EVI5L: variants seen among roughly 807,000 people sequenced by gnomAD.
EVI5L encodes the protein EVI5-like protein.
In EVI5L, 30 loss-of-function variants were observed where a neutral mutation model predicts 106.1. The ratio of observed to expected loss-of-function variants is 0.28; its 90% CI spans 0.21 to 0.38. The LOEUF (loss-of-function observed/expected upper bound fraction) is 0.38. EVI5L is among the 10% of genes least tolerant of loss of function. The probability of loss-of-function intolerance (pLI) is 1.00; values close to 1 mark genes in which losing one functional copy is unlikely to be tolerated. For synonymous variants in EVI5L, 489 were observed against 483.3 expected (o/e 1.01, Z -0.15); for missense variants, 809 against 1,098.0 (o/e 0.74, Z 3.72).
At position 7,857,159 on chromosome 19, in the gene EVI5L, T is replaced by A. The variant is rs879100971; in HGVS notation, c.1233+35T>A. 1.9e-6 allele frequency: 3 copies of A among 1,550,806 alleles called. No homozygotes were observed. In the South Asian group the frequency reaches 3.6e-5, roughly 18 times the overall value. On this transcript the variant is annotated intron_variant, in intron 12 of 19. Transcript: ENST00000538904. The surrounding 1 kb of genome is among the most constrained non-coding windows in gnomAD (Gnocchi z 4.5). ...CTTTTTATCCCCTCTCCGGATTCCT[T>A]CCTGGCCCCTTCCCTGCACCCTGCA...
chr19:7,836,374 G>A (rs550405025), intron 1 of EVI5L, among the ~76,000 whole-genome samples: 58 of 152,326 alleles, frequency 3.8e-4, no homozygotes, highest in African/African-American at 1.2e-3. Context: ...CTCTCTCACC[G>A]TTGAAAAATA....
At chr19:7,852,223 C>A (rs1405600957) in intron 8 of EVI5L, among the ~76,000 whole-genome samples, 1 of 152,214 alleles carries the variant, frequency 6.6e-6, no homozygotes, top group Non-Finnish European at 1.5e-5. Flanking sequence ...CTGCTGCTGG[C>A]CAGCCTGCCT....
intron 1 of EVI5L, among the ~76,000 whole-genome samples, chr19:7,842,533 T>G (rs184804671): frequency 7.1e-6 from 1 of 140,642 alleles, no homozygotes; most frequent in East Asian, 2.2e-4. Flanking sequence ...GTCTGTGAAT[T>G]GGGGTGTATC....
rs1345980600 is a variant in EVI5L, at chr19:7,857,708, A to G, written c.1234-483A>G. The stretch of plus-strand genomic sequence containing the variant: ...GGACAAAGATGAGGTGGGGGAAAAA[A>G]GGGGGTCTTAGCTCCAGGCAGGTGG... On this transcript the variant is annotated intron_variant, in intron 12 of 19. Transcript: ENST00000538904. The surrounding 1 kb of genome is among the most constrained non-coding windows in gnomAD (Gnocchi z 4.5). 2.8e-5 allele frequency: 5 copies of G among 177,222 alleles called. No individual in the cohort carries two copies. The highest frequency in any genetic ancestry group is 6.0e-5 in the Non-Finnish European group (5 of 83,748). The allele number at this position is 177,222 out of a possible 1,614,324, so 11.0% of individuals were successfully genotyped here. A position where few individuals can be genotyped will look rare whatever the true frequency, so the allele number is the denominator to read the frequency against.
At position 7,860,544 on chromosome 19, in the gene EVI5L, C is replaced by T; in HGVS notation, c.1375-17C>T. 6.4e-7 allele frequency: 1 copy of T among 1,568,166 alleles called. No individual in the cohort carries two copies. The highest frequency in any genetic ancestry group is 1.3e-5 in the African/African-American group (1 of 74,222). ...AGCCATGGCCTGGGGCCCCACGCAG[C>T]TCTCTGCCTCCCCCAGGAGAACCCC... On this transcript the variant is annotated splice_polypyrimidine_tract_variant and intron_variant, in intron 13 of 19. Transcript: ENST00000538904.
At chr19:7,853,004 C>T (rs529831805) in intron 8 of EVI5L, 82 bp from the exon 9 acceptor site, 6 of 1,442,150 alleles carry the variant, frequency 4.2e-6, no homozygotes, top group East Asian at 4.5e-5. Context: ...TCCTGCCCCC[C>T]TCCAGGGCAA....
In EVI5L at chr19:7,863,179, C is replaced by A; in HGVS notation, c.2044-6C>A. 2 of 1,553,540 alleles carry A rather than the reference C, an allele frequency of 1.3e-6. No individual in the cohort carries two copies. The highest frequency in any genetic ancestry group is 1.7e-6 in the Non-Finnish European group (2 of 1,148,818). On this transcript the variant is annotated splice_polypyrimidine_tract_variant and splice_region_variant and intron_variant, in intron 18 of 19. Transcript: ENST00000538904. The surrounding 1 kb of genome is among the most constrained non-coding windows in gnomAD (Gnocchi z 7.7). ...CTGGCCCCGCGTGACCTGGCGCACC[C>A]CGCAGAGGGAGGAAGGCCGCATCCA...
chr19:7,851,356 C>A (rs953575042), intron 6 of EVI5L, 78 bp from the exon 7 acceptor site: 3 of 1,523,182 alleles, frequency 2.0e-6, no homozygotes, highest in Non-Finnish European at 1.8e-6. Flanking sequence ...TCCCTGGAGG[C>A]GGGGACACTG....
rs1051977325 is a variant in EVI5L, at chr19:7,858,753, G to A, written c.1374+422G>A. ...ATGGAGAATGGGAGCAGGGCAGTCCGGGACTGTTTGGGGAGCTCTGAGCCA... is the reference window on the plus strand; with the variant it reads ...ATGGAGAATGGGAGCAGGGCAGTCCAGGACTGTTTGGGGAGCTCTGAGCCA... On this transcript the variant is annotated intron_variant, in intron 13 of 19. Coordinates refer to ENST00000538904, the MANE Select transcript of EVI5L (RefSeq NM_001159944.3). The surrounding 1 kb of genome is among the most constrained non-coding windows in gnomAD (Gnocchi z 5.7). 2.3e-5 allele frequency: 4 copies of A among 175,362 alleles called. No individual in the cohort carries two copies. The highest frequency in any genetic ancestry group is 4.8e-5 in the Non-Finnish European group (4 of 82,908). 10.9% of individuals were successfully genotyped at this position (175,362 alleles called of 1,614,324 possible). A position where few individuals can be genotyped will look rare whatever the true frequency, so the allele number is the denominator to read the frequency against.
chr19:7,863,371 G>A lies in EVI5L; in HGVS notation c.2140-53G>A, dbSNP rs1476514644. 2 of 1,537,070 alleles carry A rather than the reference G, an allele frequency of 1.3e-6. No individual in the cohort carries two copies. Among genetic ancestry groups the A allele is most frequent in the Non-Finnish European group, 8.8e-7 (1 of 1,141,200 alleles). On this transcript the variant is annotated intron_variant, in intron 19 of 19. Coordinates refer to ENST00000538904, the MANE Select transcript of EVI5L (RefSeq NM_001159944.3). The surrounding 1 kb of genome is among the most constrained non-coding windows in gnomAD (Gnocchi z 7.7). ...GGTGCCTTGCGGAGGATGCGGCTGGGAGGGCGGGGCAGAAGGCCGGTCCAC... is the reference window on the plus strand; with the variant it reads ...GGTGCCTTGCGGAGGATGCGGCTGGAAGGGCGGGGCAGAAGGCCGGTCCAC...
chr19:7,848,466 G>A lies in EVI5L; in HGVS notation c.328-455G>A, dbSNP rs557266070. 1.5e-4 allele frequency among the ~76,000 whole-genome samples: 23 copies of A among 152,066 alleles called. No individual in the cohort carries two copies. The South Asian group carries it at 4.6e-3, about 30-fold the overall frequency. ...ACAAAAATTAGCTGGGCGTGGTGGCGTGCACCTGTAATCCCAGCTACTTGG... is the reference window on the plus strand; with the variant it reads ...ACAAAAATTAGCTGGGCGTGGTGGCATGCACCTGTAATCCCAGCTACTTGG... On this transcript the variant is annotated intron_variant, in intron 3 of 19. Coordinates refer to ENST00000538904, the MANE Select transcript of EVI5L (RefSeq NM_001159944.3). This position sits in a 1 kb window ranked among gnomAD's most constrained non-coding sequence, Gnocchi z 4.8.
At chr19:7,831,783 G>A (rs1436463507) in intron 1 of EVI5L, among the ~76,000 whole-genome samples, 1 of 152,220 alleles carries the variant, frequency 6.6e-6, no homozygotes, top group Non-Finnish European at 1.5e-5. Context: ...ACGCCTACTG[G>A]CCTCAAATGC....
rs1174460263 is a variant in EVI5L at position 7,856,021 on chromosome 19, C to T, written c.1153C>T (p.Arg385Trp). 4.5e-6 allele frequency: 6 copies of T among 1,327,796 alleles called. No homozygotes were observed. Among genetic ancestry groups the T allele is most frequent in the African/African-American group, 1.5e-5 (1 of 66,544 alleles). The allele number at this position is 1,327,796 out of a possible 1,614,324, so 82.3% of individuals were successfully genotyped here. ...TCTCCCCCCACCCCCATAGAGACTT[C>T]GGACGGAGAACCGGCTCCTGAAACA... is the stretch of plus-strand genomic sequence containing the variant. ...MEEQIEIKRL[R>W]TENRLLKQRI... Residue 385 changes from arginine (R) to tryptophan (W), a missense_variant, in exon 11 of 20, where the codon CGG becomes TGG. Transcript: ENST00000538904. The surrounding 1 kb of genome is among the most constrained non-coding windows in gnomAD (Gnocchi z 6.6).
Position 7,863,156 on chromosome 19 carries a change from G to A in EVI5L, c.2044-29G>A, listed in dbSNP as rs772054291. The A allele has an allele frequency of 9.6e-5, 149 of 1,547,358 alleles. No individual in the cohort carries two copies. Among genetic ancestry groups the A allele is most frequent in the Non-Finnish European group, 1.2e-4 (135 of 1,145,982 alleles). ...CGGACCCCAGGCCCAGCATGGCACT[G>A]GCCCCGCGTGACCTGGCGCACCCCG... On this transcript the variant is annotated intron_variant, in intron 18 of 19. Coordinates refer to ENST00000538904, the MANE Select transcript of EVI5L (RefSeq NM_001159944.3). The surrounding 1 kb of genome is among the most constrained non-coding windows in gnomAD (Gnocchi z 7.7).
At chr19:7,837,632 T>C (rs972724903) in intron 1 of EVI5L, among the ~76,000 whole-genome samples, 2 of 152,222 alleles carry the variant, frequency 1.3e-5, no homozygotes, top group Non-Finnish European at 2.9e-5. Flanking sequence ...CTCTGGGCTG[T>C]GACAGTTTCT....
intron 1 of EVI5L, among the ~76,000 whole-genome samples, chr19:7,834,223 C>T (rs892644673): frequency 1.3e-5 from 2 of 152,166 alleles, no homozygotes; most frequent in Non-Finnish European, 2.9e-5. Flanking sequence ...GTGGTGCACA[C>T]CTGTAGCCCC....
At chr19:7,843,059 G>A (rs367736948) in intron 1 of EVI5L, among the ~76,000 whole-genome samples, 97 of 151,124 alleles carry the variant, frequency 6.4e-4, no homozygotes, top group South Asian at 4.2e-4. Context: ...GCTGTGTGTC[G>A]AGTATGTGCA....
At chr19:7,852,197 G>A (rs989811205) in intron 8 of EVI5L, among the ~76,000 whole-genome samples, 4 of 152,208 alleles carry the variant, frequency 2.6e-5, no homozygotes, top group South Asian at 2.1e-4. Context: ...GCCCCAGCCC[G>A]GCCTGCCTGG....
intron 10 of EVI5L, among the ~76,000 whole-genome samples, chr19:7,853,864 C>T (rs911305055): frequency 2.0e-5 from 3 of 152,212 alleles, no homozygotes; most frequent in African/African-American, 7.2e-5. Flanking sequence ...CACCCGGGGC[C>T]CCTGGTTCCT....
Sources: gnomAD v4.1 joint callset for allele counts (sites outside exome capture counted in the v4.1 genomes callset) on GRCh38, gnomAD v4.1.1 for gene constraint, Gnocchi (gnomAD v3.1) non-coding constraint, MANE v1.5 for transcripts, NCBI Gene and HGNC (gene_info 2026-07-23, HGNC 2026-07-21) for gene names.